The following LRCH3 variants were observed in gnomAD, a reference collection of about 807,000 sequenced individuals.
The protein encoded by LRCH3 is leucine rich repeats and calponin homology domain containing 3, also known as DISP complex protein LRCH3.
LRCH3 carries 68 observed loss-of-function variants against 104.5 expected under a neutral mutation model. The ratio of observed to expected loss-of-function variants is 0.65; its 90% CI spans 0.54 to 0.80. LRCH3 has a LOEUF of 0.80. Ranked by LOEUF, LRCH3 falls within the 30% of genes least tolerant of loss-of-function variation. LRCH3 has a pLI of 0.00. For missense variants in LRCH3, 951 were observed against 953.9 expected (o/e 1.00, Z 0.04); for synonymous variants, 344 against 361.3 (o/e 0.95, Z 0.54).
Position 197,856,248 on chromosome 3 carries a change from A to G in LRCH3, c.1644+1803A>G, listed in dbSNP as rs909513958. On this transcript the variant is annotated intron_variant, in intron 14 of 20. Coordinates refer to ENST00000425562, the MANE Select transcript of LRCH3 (RefSeq NM_001365715.1). This position sits in a 1 kb window ranked among gnomAD's most constrained non-coding sequence, Gnocchi z 4.2. ...CACCCTTAAATCAGCCCACAGTTTGACAGTTAAATAAACTGACAGGAGCTC... is the reference window on the plus strand; with the variant it reads ...CACCCTTAAATCAGCCCACAGTTTGGCAGTTAAATAAACTGACAGGAGCTC... Among the ~76,000 whole-genome samples, 2 of 152,160 alleles carry G rather than the reference A, an allele frequency of 1.3e-5. No individual in the cohort carries two copies. The highest frequency in any genetic ancestry group is 4.8e-5 in the African/African-American group (2 of 41,442).
Position 197,883,927 on chromosome 3 carries a change from G to T in LRCH3, c.*261G>T. On this transcript the variant is annotated 3_prime_UTR_variant, in exon 21 of 21. Coordinates refer to ENST00000425562, the MANE Select transcript of LRCH3 (RefSeq NM_001365715.1). This position sits in a 1 kb window ranked among gnomAD's most constrained non-coding sequence, Gnocchi z 4.2. ...TGAAAACCCAGCACCTAACTTGGCT[G>T]TGTTTTCCTGGAGAGCAGGCGTGTT... The T allele has an allele frequency of 2.6e-6, 1 of 380,586 alleles. No homozygotes were observed. The allele number at this position is 380,586 out of a possible 1,614,324, so 23.6% of individuals were successfully genotyped here. A position where few individuals can be genotyped will look rare whatever the true frequency, so the allele number is the denominator to read the frequency against.
At chr3:197,862,406 C>T (rs1740991329) in intron 15 of LRCH3, among the ~76,000 whole-genome samples, 1 of 150,928 alleles carries the variant, frequency 6.6e-6, no homozygotes. Flanking sequence ...TTCCTTAATA[C>T]TTTTAAATTT....
chr3:197,849,481 TG>T (rs1481858244), intron 12 of LRCH3, among the ~76,000 whole-genome samples: 2 of 152,140 alleles, frequency 1.3e-5, no homozygotes, highest in Admixed American at 1.3e-4. Flanking sequence ...CCTTTATCTC[TG>T]TCATTGTATT....
At chr3:197,795,921 G>A (rs1731160778) in intron 1 of LRCH3, among the ~76,000 whole-genome samples, 1 of 151,856 alleles carries the variant, frequency 6.6e-6, no homozygotes, top group East Asian at 1.9e-4. Flanking sequence ...TCAATCTCCT[G>A]ACCTTGTGAT....
Position 197,847,943 on chromosome 3 carries a change from G to T in LRCH3, c.1452G>T (p.Gln484His). 3 of 1,614,132 alleles carry T rather than the reference G, an allele frequency of 1.9e-6. No individual in the cohort carries two copies. The highest frequency in any genetic ancestry group is 2.5e-6 in the Non-Finnish European group (3 of 1,179,980). ...TAGAGCGCACTCGGAGAGAGGCTCA[G>T]CTTGCTGCCCTGCAGTATGAGGAGG... ...QLVERTRREA[Q>H]LAALQYEEEK... The change falls in exon 12 of 21, where the codon CAG becomes CAT. Residue 484 changes from glutamine to histidine, a missense_variant. Gln to His is a conservative substitution (Grantham distance 24, BLOSUM62 0). Transcript: ENST00000425562.
In LRCH3 at chr3:197,854,589, C is replaced by T; in HGVS notation, c.1644+144C>T. The T allele has an allele frequency of 6.3e-6, 5 of 797,484 alleles. No homozygotes were observed. The South Asian group carries it at 8.0e-5, about 13-fold the overall frequency. 49.4% of individuals were successfully genotyped at this position (797,484 alleles called of 1,614,324 possible). A position where few individuals can be genotyped will look rare whatever the true frequency, so the allele number is the denominator to read the frequency against. The stretch of plus-strand genomic sequence containing the variant: ...AGAACTAAACCATTTTCCCACATGA[C>T]CATTTGTGATTGACCCAGTGTTTCA... On this transcript the variant is annotated intron_variant, in intron 14 of 20. Coordinates refer to ENST00000425562, the MANE Select transcript of LRCH3 (RefSeq NM_001365715.1). The surrounding 1 kb of genome is among the most constrained non-coding windows in gnomAD (Gnocchi z 4.5).
At chr3:197,824,622 A>G (rs1455365716) in intron 4 of LRCH3, among the ~76,000 whole-genome samples, 1 of 144,672 alleles carries the variant, frequency 6.9e-6, no homozygotes, top group Non-Finnish European at 1.5e-5. Context: ...GCTGGAGTAC[A>G]GTGGCGCGAT....
At chr3:197,814,368 A>C (rs530294489) in intron 1 of LRCH3, among the ~76,000 whole-genome samples, 10 of 152,242 alleles carry the variant, frequency 6.6e-5, no homozygotes, top group African/African-American at 2.2e-4. Flanking sequence ...GGTCCCTCCC[A>C]CAGCGTGGGG....
chr3:197,875,612 C>T (rs1273300576), intron 19 of LRCH3, 86 bp from the exon 20 acceptor site: 10 of 972,756 alleles, frequency 1.0e-5, no homozygotes, highest in Non-Finnish European at 1.5e-5. Context: ...CAGGCTTGCG[C>T]CACTGCACTC....
At chr3:197,865,392 C>T (rs771361054) in intron 15 of LRCH3, 31 bp from the exon 16 acceptor site, 2 of 1,437,552 alleles carry the variant, frequency 1.4e-6, no homozygotes, top group East Asian at 4.7e-5. Flanking sequence ...TCTTGAATAA[C>T]AATTATTGAT....
Position 197,885,149 on chromosome 3 carries a change from G to T in LRCH3, c.*1483G>T, listed in dbSNP as rs11914611. ...GTTTCCAAATTCTGAAGCTGATAGC[G>T]CACTTGGTCTCACTGAGCCTCCCTC... On this transcript the variant is annotated 3_prime_UTR_variant, in exon 21 of 21. Coordinates refer to ENST00000425562, the MANE Select transcript of LRCH3 (RefSeq NM_001365715.1). The T allele has an allele frequency of 6.6e-6, 1 of 152,160 alleles. No homozygotes were observed. The highest frequency in any genetic ancestry group is 6.5e-5 in the Admixed American group (1 of 15,274). 9.4% of individuals were successfully genotyped at this position (152,160 alleles called of 1,614,324 possible). A position where few individuals can be genotyped will look rare whatever the true frequency, so the allele number is the denominator to read the frequency against.
chr3:197,862,105 C>T (rs1740950713), intron 15 of LRCH3, among the ~76,000 whole-genome samples: 1 of 152,282 alleles, frequency 6.6e-6, no homozygotes. Flanking sequence ...AAGTGATTCT[C>T]CTGCCTCAGC....
At chr3:197,838,869 G>A (rs1208632543) in intron 9 of LRCH3, among the ~76,000 whole-genome samples, 1 of 152,176 alleles carries the variant, frequency 6.6e-6, no homozygotes, top group Non-Finnish European at 1.5e-5. Context: ...AATTTGTTGT[G>A]ATGGATAAAT....
chr3:197,887,194 ATT>A lies in LRCH3; in HGVS notation c.*3531_*3532del, dbSNP rs1013856025. 4.0e-5 allele frequency: 6 copies of A among 151,820 alleles called. No homozygotes were observed. The highest frequency in any genetic ancestry group is 1.2e-4 in the African/African-American group (5 of 41,366). The allele number at this position is 151,820 out of a possible 1,614,324, so 9.4% of individuals were successfully genotyped here. On this transcript the variant is annotated 3_prime_UTR_variant, in exon 21 of 21. Transcript: ENST00000425562. Reference sequence around the variant, plus strand: ...TGTTGGGAGAATTTTTGTATTCAGTATTTTGTATGTACCTTTTTTTTTTTAAA... The same window carrying A: ...TGTTGGGAGAATTTTTGTATTCAGTATTGTATGTACCTTTTTTTTTTTAAA...
intron 15 of LRCH3, among the ~76,000 whole-genome samples, chr3:197,863,452 G>T (rs926424617): frequency 6.6e-6 from 1 of 152,014 alleles, no homozygotes; most frequent in African/African-American, 2.4e-5. Flanking sequence ...GTAGAGACGG[G>T]GTTTCACCAT....
rs76175010 is a variant in LRCH3 at position 197,866,229 on chromosome 3, G to A, written c.1873+10G>A. The stretch of plus-strand genomic sequence containing the variant: ...GCAGAAACCAACAAAGGTAGGTGGT[G>A]GTGATTTTAAAAGCCAGGAGCGAGG... On this transcript the variant is annotated intron_variant, in intron 17 of 20. Coordinates refer to ENST00000425562, the MANE Select transcript of LRCH3 (RefSeq NM_001365715.1). 8.2e-4 allele frequency: 1,320 copies of A among 1,606,154 alleles called. 7 individuals carry two copies. The African/African-American group carries it at 0.015, about 18-fold the overall frequency.
At chr3:197,860,290 A>G (rs1740721501) in intron 15 of LRCH3, among the ~76,000 whole-genome samples, 1 of 152,084 alleles carries the variant, frequency 6.6e-6, no homozygotes, top group African/African-American at 2.4e-5. Flanking sequence ...CACTGCGCCC[A>G]ACCTCCTTCA....
chr3:197,803,440 T>G (rs1732119691), intron 1 of LRCH3, among the ~76,000 whole-genome samples: 1 of 152,212 alleles, frequency 6.6e-6, no homozygotes, highest in Non-Finnish European at 1.5e-5. Context: ...AACTACATTT[T>G]TAACAAGCAC....
chr3:197,844,771 C>T (rs746975957), intron 10 of LRCH3, among the ~76,000 whole-genome samples: 4 of 152,088 alleles, frequency 2.6e-5, no homozygotes, highest in East Asian at 1.9e-4. Context: ...GCGCGCACCA[C>T]CACACCTGGC....
Sources: allele counts gnomAD v4.1 joint callset (sites outside exome capture counted in the v4.1 genomes callset), GRCh38; gene constraint gnomAD v4.1.1; non-coding constraint Gnocchi (gnomAD v3.1); transcripts MANE v1.5; gene names NCBI Gene and HGNC (gene_info 2026-07-23, HGNC 2026-07-21).